The following RSPO2 variants were observed in gnomAD, a reference collection of about 807,000 sequenced individuals.
The protein encoded by RSPO2 is R-spondin 2.
RSPO2 carries 14 observed loss-of-function variants against 30.9 expected under a neutral mutation model. The ratio of observed to expected loss-of-function variants is 0.45; its 90% CI spans 0.30 to 0.71. RSPO2 has a LOEUF of 0.71. RSPO2 is among the 30% of genes least tolerant of loss of function. The pLI, the probability that RSPO2 is intolerant of heterozygous loss-of-function variation, is 0.08. For missense variants in RSPO2, 264 were observed against 301.9 expected, an observed-to-expected ratio of 0.87 and a Z score of 0.93; for synonymous variants, 107 against 96.4, an observed-to-expected ratio of 1.11 and a Z score of -0.64.
At chr8:107,991,947 T>G (rs759533942) in intron 2 of RSPO2, among the ~76,000 whole-genome samples, 89 of 152,160 alleles carry the variant, frequency 5.8e-4, no homozygotes, top group Admixed American at 8.5e-4. Context: ...TAGTGTACAT[T>G]AGTTCAACCA....
intron 2 of RSPO2, among the ~76,000 whole-genome samples, chr8:108,008,496 C>T (rs1384561897): frequency 2.0e-5 from 3 of 152,162 alleles, no homozygotes; most frequent in African/African-American, 7.2e-5. Flanking sequence ...TTACTAACAT[C>T]CAGCTCACTC....
At chr8:108,003,552 A>T (rs78768203) in intron 2 of RSPO2, among the ~76,000 whole-genome samples, 1,627 of 151,796 alleles carry the variant, frequency 0.011, 18 homozygotes, top group Admixed American at 0.012. Context: ...CTTCACAGCA[A>T]TCCATACCTT....
chr8:108,054,727 T>C (rs990227852), intron 2 of RSPO2, among the ~76,000 whole-genome samples: 3 of 152,192 alleles, frequency 2.0e-5, no homozygotes, highest in Non-Finnish European at 4.4e-5. Flanking sequence ...AAGGAGGCAC[T>C]GGTTCTCAGG....
At chr8:107,905,662 A>G (rs1811614996) in intron 5 of RSPO2, among the ~76,000 whole-genome samples, 1 of 152,010 alleles carries the variant, frequency 6.6e-6, no homozygotes, top group South Asian at 2.1e-4. Context: ...GTAACCACCA[A>G]CCTGGCAGAT....
At chr8:108,006,326 G>T (rs891680580) in intron 2 of RSPO2, among the ~76,000 whole-genome samples, 4 of 151,878 alleles carry the variant, frequency 2.6e-5, no homozygotes, top group African/African-American at 9.7e-5. Flanking sequence ...AATATCAAAA[G>T]AAATGTGAAG....
At chr8:108,082,059 C>T (rs1256273630) in intron 2 of RSPO2, 1 of 239,086 alleles carries the variant, frequency 4.2e-6, no homozygotes, top group Non-Finnish European at 6.8e-6. Flanking sequence ...CACCCACACA[C>T]CACACACACA....
At chr8:107,922,614 CA>C (rs1812211491) in intron 5 of RSPO2, among the ~76,000 whole-genome samples, 1 of 151,920 alleles carries the variant, frequency 6.6e-6, no homozygotes, top group Non-Finnish European at 1.5e-5. Context: ...CATATGAAAC[CA>C]AAAACTGAGC....
chr8:107,910,921 A>G (rs1658862233), intron 5 of RSPO2, among the ~76,000 whole-genome samples: 1 of 152,116 alleles, frequency 6.6e-6, no homozygotes, highest in South Asian at 2.1e-4. Flanking sequence ...AATAGCTACA[A>G]TGTAATGTGC....
intron 2 of RSPO2, among the ~76,000 whole-genome samples, chr8:108,063,879 T>C (rs1461693303): frequency 1.3e-5 from 2 of 152,048 alleles, no homozygotes; most frequent in African/African-American, 4.8e-5. Context: ...ATGCCACACA[T>C]CTGCAACCAT....
intron 2 of RSPO2, among the ~76,000 whole-genome samples, chr8:108,027,465 T>G (rs1202234610): frequency 1.3e-5 from 2 of 152,190 alleles, no homozygotes; most frequent in Admixed American, 1.3e-4. Flanking sequence ...CATACAATAA[T>G]GATAATGAAA....
At chr8:108,060,096 A>G (rs1361670542) in intron 2 of RSPO2, among the ~76,000 whole-genome samples, 1 of 151,812 alleles carries the variant, frequency 6.6e-6, no homozygotes, top group African/African-American at 2.4e-5. Flanking sequence ...TACAGCTCCC[A>G]GCATGGTCGG....
At chr8:108,056,097 T>G (rs1390041008) in intron 2 of RSPO2, among the ~76,000 whole-genome samples, 1 of 152,220 alleles carries the variant, frequency 6.6e-6, no homozygotes, top group South Asian at 2.1e-4. Flanking sequence ...TTAAAAACTA[T>G]GCTTGCCTGC....
chr8:108,036,302 G>A (rs1811592143), intron 2 of RSPO2, among the ~76,000 whole-genome samples: 1 of 152,172 alleles, frequency 6.6e-6, no homozygotes, highest in Non-Finnish European at 1.5e-5. Context: ...CCGCCTGTGT[G>A]CTATAAATGG....
chr8:108,058,967 G>C (rs36146214), intron 2 of RSPO2, among the ~76,000 whole-genome samples: 19,859 of 151,424 alleles, frequency 0.13, 3,710 homozygotes, highest in African/African-American at 0.41. Flanking sequence ...AACACCAAAA[G>C]CAATGGCAAC....
At chr8:108,081,804 C>T (rs142665174) in intron 2 of RSPO2, 10,909 of 559,426 alleles carry the variant, frequency 0.02, 145 homozygotes, top group South Asian at 0.026. Flanking sequence ...AAGCCTCCAC[C>T]GGTGTGGCTG....
intron 2 of RSPO2, among the ~76,000 whole-genome samples, chr8:108,012,351 T>G (rs1810733769): frequency 6.6e-6 from 1 of 152,200 alleles, no homozygotes; most frequent in Non-Finnish European, 1.5e-5. Context: ...CTCACTCTAC[T>G]GGTGAATCCA....
intron 2 of RSPO2, among the ~76,000 whole-genome samples, chr8:108,052,843 A>C (rs1310111850): frequency 6.6e-6 from 1 of 152,214 alleles, no homozygotes; most frequent in Admixed American, 6.5e-5. Flanking sequence ...TCTGGACCAA[A>C]TGACTAATAG....
chr8:108,000,134 T>C (rs1390398044), intron 2 of RSPO2, among the ~76,000 whole-genome samples: 2 of 152,132 alleles, frequency 1.3e-5, no homozygotes, highest in African/African-American at 4.8e-5. Flanking sequence ...GCAAAATAAA[T>C]GTGGAGTCTT....
intron 2 of RSPO2, among the ~76,000 whole-genome samples, chr8:108,079,618 T>C (rs889810171): frequency 1.8e-4 from 28 of 151,506 alleles, no homozygotes; most frequent in Non-Finnish European, 4.1e-4. Context: ...TGTGAGATCA[T>C]AGAGCAGACT....
Sources: allele counts gnomAD v4.1 joint callset (sites outside exome capture counted in the v4.1 genomes callset), GRCh38; gene constraint gnomAD v4.1.1; transcripts MANE v1.5; gene names NCBI Gene and HGNC (gene_info 2026-07-23, HGNC 2026-07-21).